Variants in CLSTN2 observed in about 807,000 individuals in gnomAD.
CLSTN2 encodes calsyntenin-2.
A neutral mutation model predicts 101.2 loss-of-function variants in CLSTN2; 48 were observed. That is an observed-to-expected ratio of 0.47 (90% CI 0.38 to 0.60). CLSTN2 has a LOEUF of 0.60. Among genes scored for constraint, CLSTN2 ranks in the 20% least tolerant of loss-of-function variants. CLSTN2 has a pLI of 0.00. For missense variants in CLSTN2, 1,160 were observed against 1,238.2 expected, an observed-to-expected ratio of 0.94 and a Z score of 0.95; for synonymous variants, 481 against 463.6, an observed-to-expected ratio of 1.04 and a Z score of -0.48.
intron 2 of CLSTN2, among the ~76,000 whole-genome samples, chr3:140,345,426 C>G (rs912075151): frequency 2.1e-4 from 32 of 151,370 alleles, no homozygotes; most frequent in African/African-American, 7.8e-4. Context: ...TTTTTTGTAT[C>G]TTTAGTAGAG....
chr3:139,953,144 A>G (rs1187153205), intron 1 of CLSTN2, among the ~76,000 whole-genome samples: 1 of 152,110 alleles, frequency 6.6e-6, no homozygotes, highest in African/African-American at 2.4e-5. Flanking sequence ...GCTGGCCTTG[A>G]TACCTTCTAG....
chr3:140,002,209 C>T (rs1471061748), intron 1 of CLSTN2, among the ~76,000 whole-genome samples: 7 of 152,164 alleles, frequency 4.6e-5, no homozygotes, highest in Non-Finnish European at 5.9e-5. Context: ...ATTTTCTCCA[C>T]GTCCTCACCA....
At chr3:140,513,502 C>G (rs1387143275) in intron 8 of CLSTN2, among the ~76,000 whole-genome samples, 1 of 151,518 alleles carries the variant, frequency 6.6e-6, no homozygotes, top group Admixed American at 6.6e-5. Context: ...CTGCTGTATT[C>G]AGTCTGCCAG....
rs1425740341 is a variant in CLSTN2, at chr3:140,511,836, C to T, written c.1345-20488C>T. 9.9e-5 allele frequency among the ~76,000 whole-genome samples: 15 copies of T among 151,790 alleles called. 1 individual carries two copies. Among genetic ancestry groups the T allele is most frequent in the Admixed American group, 8.5e-4 (13 of 15,222 alleles). ...GACTTTTTAATATTAGCCATTCTGACTGGTGTGAGGTGGTATCTCATTGTG... is the reference window on the plus strand; with the variant it reads ...GACTTTTTAATATTAGCCATTCTGATTGGTGTGAGGTGGTATCTCATTGTG... On this transcript the variant is annotated intron_variant, in intron 8 of 16. Transcript: ENST00000458420.
chr3:140,097,220 G>A (rs1201276041), intron 1 of CLSTN2, among the ~76,000 whole-genome samples: 1 of 152,126 alleles, frequency 6.6e-6, no homozygotes, highest in Non-Finnish European at 1.5e-5. Flanking sequence ...TGAAGATGCT[G>A]AGCCTCAGAG....
chr3:140,500,016 G>T (rs1254091434), intron 8 of CLSTN2, among the ~76,000 whole-genome samples: 1 of 151,746 alleles, frequency 6.6e-6, no homozygotes, highest in Non-Finnish European at 1.5e-5. Flanking sequence ...GCAGTGAGCC[G>T]AGATCATGCC....
rs574386966 is a variant in CLSTN2, at chr3:140,408,161, C to T, written c.637+3395C>T. Among the ~76,000 whole-genome samples the T allele has an allele frequency of 7.2e-5, 11 of 152,236 alleles. No individual in the cohort carries two copies. In the South Asian group the frequency reaches 2.3e-3, roughly 32 times the overall value. ...AACAGTTTCATCTTGCATGCATCATCCCATCCCCCAGACCAGAAGTGCTTA... is the reference window on the plus strand; with the variant it reads ...AACAGTTTCATCTTGCATGCATCATTCCATCCCCCAGACCAGAAGTGCTTA... On this transcript the variant is annotated intron_variant, in intron 4 of 16. Transcript: ENST00000458420.
intron 2 of CLSTN2, among the ~76,000 whole-genome samples, chr3:140,304,732 A>T (rs545212818): frequency 6.6e-6 from 1 of 152,266 alleles, no homozygotes; most frequent in Admixed American, 6.5e-5. Context: ...GTCTTTTCTC[A>T]TTGAATCAGC....
chr3:140,393,929 C>G (rs138245244), intron 2 of CLSTN2, among the ~76,000 whole-genome samples: 212 of 152,296 alleles, frequency 1.4e-3, no homozygotes, highest in African/African-American at 5.0e-3. Flanking sequence ...TTTCATTGCT[C>G]TCTTCCTCCT....
intron 1 of CLSTN2, among the ~76,000 whole-genome samples, chr3:140,123,590 T>G (rs35593784): frequency 0.13 from 19,347 of 152,136 alleles, 1,572 homozygotes; most frequent in Middle Eastern, 0.23. Context: ...CTTAGTCAGC[T>G]CAGGCTGCCA....
intron 3 of CLSTN2, 29 bp downstream of exon 3, chr3:140,403,853 G>A (rs770166493): frequency 1.8e-5 from 28 of 1,569,138 alleles, no homozygotes; most frequent in Non-Finnish European, 2.3e-5. Flanking sequence ...CCCTCTGGAC[G>A]CCCCTCCCTC....
chr3:140,410,759 G>A (rs2088355238), intron 4 of CLSTN2, among the ~76,000 whole-genome samples: 1 of 152,114 alleles, frequency 6.6e-6, no homozygotes, highest in Non-Finnish European at 1.5e-5. Flanking sequence ...ACTTGTTAAT[G>A]TATGTACAAT....
Position 140,483,192 on chromosome 3 carries a change from C to T in CLSTN2, c.1344+16461C>T, listed in dbSNP as rs558981290. Among the ~76,000 whole-genome samples the T allele has an allele frequency of 3.9e-5, 6 of 152,244 alleles. No homozygotes were observed. In the South Asian group the frequency reaches 6.2e-4, roughly 16 times the overall value. ...AACATCTTTATTTCTGCCTTCATTT[C>T]GTTATTTACCCAGTAGTCATTCAGG... On this transcript the variant is annotated intron_variant, in intron 8 of 16. Transcript: ENST00000458420.
chr3:140,009,384 T>C (rs1334253452), intron 1 of CLSTN2, among the ~76,000 whole-genome samples: 1 of 152,216 alleles, frequency 6.6e-6, no homozygotes, highest in Non-Finnish European at 1.5e-5. Flanking sequence ...ATAAACAAAT[T>C]CAGAAAAGAA....
chr3:140,550,094 T>G (rs1299285782), intron 10 of CLSTN2, among the ~76,000 whole-genome samples: 3 of 151,354 alleles, frequency 2.0e-5, no homozygotes, highest in African/African-American at 7.3e-5. Flanking sequence ...ACTTTAGAAC[T>G]AGACACTCCT....
intron 5 of CLSTN2, among the ~76,000 whole-genome samples, chr3:140,441,748 T>C (rs889853775): frequency 1.3e-5 from 2 of 152,158 alleles, no homozygotes; most frequent in African/African-American, 4.8e-5. Flanking sequence ...CTTCTGTCAC[T>C]CCCTTCCGCA....
chr3:140,157,796 C>A (rs2009979608), intron 1 of CLSTN2, among the ~76,000 whole-genome samples: 1 of 152,268 alleles, frequency 6.6e-6, no homozygotes, highest in East Asian at 1.9e-4. Context: ...TCCAGTAGAA[C>A]ATAAAAGCTA....
Position 139,935,252 on chromosome 3 carries a change from G to T in CLSTN2, c.-123G>T. The T allele has an allele frequency of 6.9e-6, 3 of 432,584 alleles. No individual in the cohort carries two copies. Among genetic ancestry groups the T allele is most frequent in the South Asian group, 1.2e-4 (1 of 8,280 alleles). 26.8% of individuals were successfully genotyped at this position (432,584 alleles called of 1,614,324 possible). ...GGAACCCGAGGCCGAGCGCCGCGGC[G>T]GCAGCGCTAGAAGCGCACCCATCGG... On this transcript the variant is annotated 5_prime_UTR_variant, in exon 1 of 17. Coordinates refer to ENST00000458420, the MANE Select transcript of CLSTN2 (RefSeq NM_022131.3). The surrounding 1 kb of genome is among the most constrained non-coding windows in gnomAD (Gnocchi z 5.5).
chr3:139,994,924 T>A (rs576891084), intron 1 of CLSTN2, among the ~76,000 whole-genome samples: 1 of 152,210 alleles, frequency 6.6e-6, no homozygotes, highest in Admixed American at 6.5e-5. Context: ...CTCTTAGATG[T>A]CCTTCCTAAA....
Sources: gnomAD v4.1 joint callset for allele counts (sites outside exome capture counted in the v4.1 genomes callset) on GRCh38, gnomAD v4.1.1 for gene constraint, Gnocchi (gnomAD v3.1) non-coding constraint, MANE v1.5 for transcripts, NCBI Gene and HGNC (gene_info 2026-07-23, HGNC 2026-07-21) for gene names.